LDLRAD3: variants seen among roughly 807,000 people sequenced by gnomAD.
LDLRAD3 encodes the protein low density lipoprotein receptor class A domain containing 3.
In LDLRAD3, 20 loss-of-function variants were observed where a neutral mutation model predicts 29.4. The ratio of observed to expected loss-of-function variants is 0.68; its 90% CI spans 0.48 to 0.99. The LOEUF (loss-of-function observed/expected upper bound fraction) is 0.99. LDLRAD3 is among the 50% of genes least tolerant of loss of function. The pLI, the probability that LDLRAD3 is intolerant of heterozygous loss-of-function variation, is 0.00. For missense variants in LDLRAD3, 420 were observed against 454.3 expected (o/e 0.92, Z 0.69); for synonymous variants, 157 against 192.7 (o/e 0.81, Z 1.53).
rs991221343 is a variant in LDLRAD3, at chr11:36,230,975, A to G, written c.*1578A>G. On this transcript the variant is annotated 3_prime_UTR_variant, in exon 6 of 6. Transcript: ENST00000315571. ...GTTTTTCTTTTTTTTCTCTGTGTCC[A>G]GTCAGCCACAGGGCCCGCCTCCCTG... 2.0e-5 allele frequency: 3 copies of G among 152,394 alleles called. No individual in the cohort carries two copies. Among genetic ancestry groups the G allele is most frequent in the Non-Finnish European group, 4.4e-5 (3 of 68,044 alleles). The allele number at this position is 152,394 out of a possible 1,614,324, so 9.4% of individuals were successfully genotyped here.
At chr11:36,038,175 G>T (rs961198026) in intron 2 of LDLRAD3, among the ~76,000 whole-genome samples, 2 of 152,158 alleles carry the variant, frequency 1.3e-5, no homozygotes, top group African/African-American at 4.8e-5. Flanking sequence ...TGGGATTACA[G>T]ATTACAGATG....
intron 1 of LDLRAD3, among the ~76,000 whole-genome samples, chr11:35,990,162 G>T (rs1280521803): frequency 2.6e-5 from 4 of 152,136 alleles, no homozygotes; most frequent in African/African-American, 9.7e-5. Context: ...CAGGGTTGCC[G>T]TAAGGATTTT....
chr11:35,997,067 A>G (rs905553955), intron 1 of LDLRAD3, among the ~76,000 whole-genome samples: 1 of 152,206 alleles, frequency 6.6e-6, no homozygotes, highest in African/African-American at 2.4e-5. Flanking sequence ...AGTAATACAC[A>G]TACAGCACTT....
chr11:35,955,428 A>C (rs1267554664), intron 1 of LDLRAD3, among the ~76,000 whole-genome samples: 1 of 152,220 alleles, frequency 6.6e-6, no homozygotes, highest in African/African-American at 2.4e-5. Context: ...TGAATACATC[A>C]ACTAAAGACT....
Position 36,033,271 on chromosome 11 carries a change from G to T in LDLRAD3, c.47-2832G>T, listed in dbSNP as rs114464228. Among the ~76,000 whole-genome samples the T allele has an allele frequency of 7.9e-3, 1,197 of 152,302 alleles. 14 individuals carry two copies. The highest frequency in any genetic ancestry group is 0.027 in the African/African-American group (1,124 of 41,554). On this transcript the variant is annotated intron_variant, in intron 1 of 5. Coordinates refer to ENST00000315571, the MANE Select transcript of LDLRAD3 (RefSeq NM_174902.4). The stretch of plus-strand genomic sequence containing the variant: ...GGTTGCTCAGAAGAGCAAAAAGCAT[G>T]TGCCTCTCTGTTATTGTTCACCAGG...
chr11:36,222,952 T>C (rs993735477), intron 4 of LDLRAD3, among the ~76,000 whole-genome samples: 8 of 152,130 alleles, frequency 5.3e-5, no homozygotes, highest in Admixed American at 6.5e-5. Flanking sequence ...GAATTCAAGA[T>C]GCTTGACAGT....
At chr11:36,045,133 A>C (rs918260055) in intron 2 of LDLRAD3, among the ~76,000 whole-genome samples, 5 of 152,198 alleles carry the variant, frequency 3.3e-5, no homozygotes, top group African/African-American at 1.2e-4. Flanking sequence ...ACAGACTTTC[A>C]GTTCAGATGT....
At chr11:36,214,332 T>A (rs1220998012) in intron 4 of LDLRAD3, among the ~76,000 whole-genome samples, 1 of 152,178 alleles carries the variant, frequency 6.6e-6, no homozygotes, top group Non-Finnish European at 1.5e-5. Context: ...CTGGAGTGAC[T>A]ATGTCAAGGC....
chr11:36,062,741 G>A (rs112112087), intron 2 of LDLRAD3, among the ~76,000 whole-genome samples: 9 of 152,236 alleles, frequency 5.9e-5, no homozygotes, highest in East Asian at 1.9e-4. Flanking sequence ...TCTCGCTGCC[G>A]CCATGTGAAG....
chr11:35,954,433 A>G (rs565634627), intron 1 of LDLRAD3, among the ~76,000 whole-genome samples: 2 of 152,280 alleles, frequency 1.3e-5, no homozygotes, highest in East Asian at 3.9e-4. Flanking sequence ...TTTGATGTCT[A>G]TCTTATTTGT....
intron 1 of LDLRAD3, among the ~76,000 whole-genome samples, chr11:35,964,888 T>C (rs1254492674): frequency 6.6e-6 from 1 of 151,856 alleles, no homozygotes; most frequent in Non-Finnish European, 1.5e-5. Flanking sequence ...ACTCAGAAGC[T>C]TGAGGTAGGA....
intron 4 of LDLRAD3, among the ~76,000 whole-genome samples, chr11:36,113,727 T>G (rs1853637116): frequency 6.7e-6 from 1 of 149,886 alleles, no homozygotes; most frequent in Admixed American, 6.7e-5. Flanking sequence ...AGGCTGGAGT[T>G]CAGCAGCATG....
chr11:36,178,593 A>G (rs1854712664), intron 4 of LDLRAD3, among the ~76,000 whole-genome samples: 1 of 152,176 alleles, frequency 6.6e-6, no homozygotes. Flanking sequence ...CCCCACCTCT[A>G]TGCCCCATCA....
intron 2 of LDLRAD3, among the ~76,000 whole-genome samples, chr11:36,080,334 A>T (rs2133256251): frequency 6.6e-6 from 1 of 152,334 alleles, no homozygotes; most frequent in South Asian, 2.1e-4. Context: ...ATTTAGCAGG[A>T]CACTCAATTA....
At chr11:36,133,207 C>CTTTTTTTTTTTTTTTT (rs60402803) in intron 4 of LDLRAD3, among the ~76,000 whole-genome samples, 1 of 146,538 alleles carries the variant, frequency 6.8e-6, no homozygotes, top group Admixed American at 6.7e-5. Context: ...TTTCTTTTTT[C>CTTTTTTTTTTTTTTTT]TTTTTTTTAG....
chr11:36,027,400 TGTGGCAG>T (rs1268823015), intron 1 of LDLRAD3, among the ~76,000 whole-genome samples: 1 of 152,264 alleles, frequency 6.6e-6, no homozygotes, highest in African/African-American at 2.4e-5. Context: ...GGGTTATACA[TGTGGCAG>T]ATAATCTTTT....
chr11:36,103,300 G>A (rs930587758), intron 4 of LDLRAD3, among the ~76,000 whole-genome samples: 3 of 147,410 alleles, frequency 2.0e-5, no homozygotes, highest in African/African-American at 5.0e-5. Context: ...GCAGTGGCGC[G>A]ATCTCAGCCT....
chr11:36,102,750 C>T (rs547499908), intron 4 of LDLRAD3, among the ~76,000 whole-genome samples: 20 of 152,262 alleles, frequency 1.3e-4, no homozygotes, highest in Admixed American at 7.2e-4. Flanking sequence ...AGCAGGCTTT[C>T]GATGGCTTTT....
Position 36,229,288 on chromosome 11 carries a change from G to T in LDLRAD3, c.929G>T (p.Ser310Ile). The T allele has an allele frequency of 5.0e-6, 8 of 1,614,060 alleles. No homozygotes were observed. Among genetic ancestry groups the T allele is most frequent in the Non-Finnish European group, 6.8e-6 (8 of 1,180,026 alleles). ...ANSASSQAAS[S>I]LLSVEDTSHS... The stretch of plus-strand genomic sequence containing the variant: ...AGTGCCAGCTCCCAGGCAGCCAGCA[G>T]CCTCCTGAGCGTGGAAGACACCAGC... The change falls in exon 6 of 6, where the codon AGC (serine) becomes ATC (isoleucine). Residue 310 changes from serine to isoleucine, a missense_variant. Ser to Ile is a moderately radical substitution (Grantham distance 142). This residue lies in a region of LDLRAD3 where 140 missense variants were observed against 139.9 expected (regional missense o/e 1.00). Coordinates refer to ENST00000315571, the MANE Select transcript of LDLRAD3 (RefSeq NM_174902.4).
Sources: gnomAD v4.1 joint callset for allele counts (sites outside exome capture counted in the v4.1 genomes callset) on GRCh38, gnomAD v4.1.1 for gene constraint, gnomAD v4.1.1 regional missense constraint, MANE v1.5 for transcripts, NCBI Gene and HGNC (gene_info 2026-07-23, HGNC 2026-07-21) for gene names.